PPP1R1C: variants seen among roughly 807,000 people sequenced by gnomAD.
The protein encoded by PPP1R1C is protein phosphatase 1 regulatory inhibitor subunit 1C.
Under a neutral mutation model 17.4 loss-of-function variants are expected in PPP1R1C, and 15 were observed. That is an observed-to-expected ratio of 0.86 (90% CI 0.58 to 1.33). The LOEUF (loss-of-function observed/expected upper bound fraction) is 1.33. Ranked by LOEUF, PPP1R1C falls within the 40% of genes most tolerant of loss-of-function variation. PPP1R1C has a pLI of 0.00. For synonymous variants in PPP1R1C, 35 were observed against 43.1 expected (o/e 0.81, Z 0.73); for missense variants, 143 against 130.0 (o/e 1.10, Z -0.48).
chr2:181,999,059 A>G (rs940909535), intron 2 of PPP1R1C, among the ~76,000 whole-genome samples: 13 of 152,192 alleles, frequency 8.5e-5, no homozygotes, highest in Non-Finnish European at 1.9e-4. Context: ...GATGTCTGCA[A>G]ATATTTTCAC....
intron 2 of PPP1R1C, among the ~76,000 whole-genome samples, chr2:182,021,616 C>T (rs551796254): frequency 2.0e-5 from 3 of 151,946 alleles, no homozygotes; most frequent in South Asian, 4.2e-4. Context: ...GTGAGCCTCA[C>T]GCCCAGCCAA....
chr2:182,093,906 C>T (rs1338887201), intron 4 of PPP1R1C, among the ~76,000 whole-genome samples: 1 of 152,186 alleles, frequency 6.6e-6, no homozygotes, highest in Non-Finnish European at 1.5e-5. Context: ...TTTCTGAGCC[C>T]TTCAAACTGT....
At chr2:182,064,415 G>A (rs1240097505) in intron 4 of PPP1R1C, among the ~76,000 whole-genome samples, 1 of 152,064 alleles carries the variant, frequency 6.6e-6, no homozygotes, top group African/African-American at 2.4e-5. Context: ...AAATGTTCTT[G>A]ATTTGAGGTA....
rs1481365568 is a variant in PPP1R1C, at chr2:181,961,091, T to C, written n.111+6457T>C. 3 of 558,266 alleles carry C rather than the reference T, an allele frequency of 5.4e-6. No homozygotes were observed. The highest frequency in any genetic ancestry group is 9.7e-6 in the Non-Finnish European group (3 of 310,836). 34.6% of individuals were successfully genotyped at this position (558,266 alleles called of 1,614,324 possible). A position where few individuals can be genotyped will look rare whatever the true frequency, so the allele number is the denominator to read the frequency against. Reference sequence around the variant, plus strand: ...ATAAAGGCTGTAACAGGAGCGTGTGTCACATCATCATAGCAGTTTTCTTGT... The same window carrying C: ...ATAAAGGCTGTAACAGGAGCGTGTGCCACATCATCATAGCAGTTTTCTTGT... On this transcript the variant is annotated intron_variant and non_coding_transcript_variant, in intron 1 of 5. Transcript: ENST00000464264. This position sits in a 1 kb window ranked among gnomAD's most constrained non-coding sequence, Gnocchi z 5.8.
At chr2:182,125,025 G>T (rs1689840876) in intron 5 of PPP1R1C, among the ~76,000 whole-genome samples, 1 of 152,080 alleles carries the variant, frequency 6.6e-6, no homozygotes, top group East Asian at 1.9e-4. Flanking sequence ...TATGATATTG[G>T]CTGTGGATTT....
chr2:182,129,449 C>CA (rs1174693862), exon 6 of PPP1R1C: 5 of 151,780 alleles, frequency 3.3e-5, no homozygotes, highest in Admixed American at 1.3e-4. Flanking sequence ...AATTTAGTTC[C>CA]ACAGATTTTA....
chr2:182,016,309 A>G (rs1408777339), intron 2 of PPP1R1C, among the ~76,000 whole-genome samples: 2 of 152,152 alleles, frequency 1.3e-5, no homozygotes, highest in Non-Finnish European at 2.9e-5. Context: ...TGCCTCTTTC[A>G]GTGATATGAC....
chr2:182,009,664 C>G (rs1298282263), intron 2 of PPP1R1C, among the ~76,000 whole-genome samples: 1 of 151,922 alleles, frequency 6.6e-6, no homozygotes, highest in Non-Finnish European at 1.5e-5. Context: ...TGCTTAGTTG[C>G]CTGTGCTTGT....
chr2:182,129,774 C>T (rs1024338252), exon 6 of PPP1R1C: 5 of 152,072 alleles, frequency 3.3e-5, no homozygotes, highest in African/African-American at 1.2e-4. Context: ...AAAAGCCTAT[C>T]CTCCTTAGGA....
downstream of PPP1R1C, among the ~76,000 whole-genome samples, chr2:182,120,596 C>A (rs990203518): frequency 5.3e-5 from 8 of 152,018 alleles, no homozygotes; most frequent in Non-Finnish European, 1.2e-4. Context: ...TGATTAAGGC[C>A]CTTATTTATT....
intron 5 of PPP1R1C, among the ~76,000 whole-genome samples, chr2:182,125,327 C>T (rs576621351): frequency 1.3e-5 from 2 of 152,042 alleles, no homozygotes; most frequent in African/African-American, 2.4e-5. Context: ...GTTTTCACAT[C>T]GATGTTCATC....
intron 2 of PPP1R1C, among the ~76,000 whole-genome samples, chr2:181,989,993 T>A (rs1455408229): frequency 6.6e-6 from 1 of 152,098 alleles, no homozygotes; most frequent in Non-Finnish European, 1.5e-5. Context: ...GCACCAAGCT[T>A]ACTGGGGAAA....
At chr2:181,999,627 T>C (rs1440537369) in intron 2 of PPP1R1C, among the ~76,000 whole-genome samples, 1 of 152,166 alleles carries the variant, frequency 6.6e-6, no homozygotes, top group Non-Finnish European at 1.5e-5. Context: ...TTTGATATAA[T>C]ATATCCCAAT....
chr2:182,074,110 C>T (rs973337411), intron 4 of PPP1R1C, among the ~76,000 whole-genome samples: 1 of 148,980 alleles, frequency 6.7e-6, no homozygotes, highest in Non-Finnish European at 1.5e-5. Context: ...GGCGCGATCT[C>T]GGCTCACTGC....
intron 4 of PPP1R1C, among the ~76,000 whole-genome samples, chr2:182,109,141 T>C (rs1689341163): frequency 6.6e-6 from 1 of 152,232 alleles, no homozygotes; most frequent in Admixed American, 6.5e-5. Context: ...TTGCCATCTA[T>C]GTATCTCCTT....
At chr2:182,084,764 A>G (rs938348253) in intron 4 of PPP1R1C, among the ~76,000 whole-genome samples, 1 of 151,960 alleles carries the variant, frequency 6.6e-6, no homozygotes, top group Non-Finnish European at 1.5e-5. Context: ...TTATTAATTT[A>G]AGGATTGTTT....
At chr2:182,080,221 T>C (rs1192634042) in intron 4 of PPP1R1C, among the ~76,000 whole-genome samples, 2 of 152,198 alleles carry the variant, frequency 1.3e-5, no homozygotes, top group South Asian at 4.1e-4. Flanking sequence ...CCATTGCATA[T>C]CTTCTCGACA....
intron 4 of PPP1R1C, among the ~76,000 whole-genome samples, chr2:182,114,191 C>T (rs918967075): frequency 5.9e-5 from 9 of 152,122 alleles, no homozygotes; most frequent in African/African-American, 2.2e-4. Context: ...TGGTTTTCCG[C>T]CCATATGCAG....
chr2:181,990,860 C>A (rs1319719255), intron 2 of PPP1R1C, among the ~76,000 whole-genome samples: 1 of 152,152 alleles, frequency 6.6e-6, no homozygotes, highest in South Asian at 2.1e-4. Flanking sequence ...CTGGGTGCAG[C>A]TTTAAATCCT....
Sources: allele counts gnomAD v4.1 joint callset (sites outside exome capture counted in the v4.1 genomes callset), GRCh38; gene constraint gnomAD v4.1.1; non-coding constraint Gnocchi (gnomAD v3.1); transcripts MANE v1.5; gene names NCBI Gene and HGNC (gene_info 2026-07-23, HGNC 2026-07-21).